The following KCNH8 variants were observed in gnomAD, a reference collection of about 807,000 sequenced individuals.
KCNH8 encodes the protein potassium voltage-gated channel subfamily H member 8.
Under a neutral mutation model 103.6 loss-of-function variants are expected in KCNH8, and 70 were observed. The observed-to-expected ratio is 0.68, with a 90% confidence interval of 0.56 to 0.82. KCNH8 has a LOEUF of 0.82. KCNH8 is among the 40% of genes least tolerant of loss of function. The pLI, the probability that KCNH8 is intolerant of heterozygous loss-of-function variation, is 0.00. For synonymous variants in KCNH8, 498 were observed against 489.4 expected (o/e 1.02, Z -0.23); for missense variants, 1,217 against 1,329.9 (o/e 0.92, Z 1.32).
intron 12 of KCNH8, among the ~76,000 whole-genome samples, 156 bp from the exon 13 acceptor site, chr3:19,512,814 G>A (rs2068804719): frequency 6.6e-6 from 1 of 152,112 alleles, no homozygotes; most frequent in South Asian, 2.1e-4. Context: ...TTTAACACCT[G>A]ATAAAATAAT....
chr3:19,277,413 A>G lies in KCNH8; in HGVS notation c.311-3785A>G, dbSNP rs369456876. Among the ~76,000 whole-genome samples the G allele has an allele frequency of 1.7e-3, 266 of 152,086 alleles. 6 individuals carry two copies. The South Asian group carries it at 0.053, about 30-fold the overall frequency. On this transcript the variant is annotated intron_variant, in intron 2 of 15. Transcript: ENST00000328405. ...TCCCCATCTCTACAGAAAAATTTAA[A>G]ACTAGCCAGGCGTGGTGGTGCACGT...
chr3:19,246,514 A>T (rs1009008226), intron 1 of KCNH8, among the ~76,000 whole-genome samples: 1 of 151,910 alleles, frequency 6.6e-6, no homozygotes, highest in Non-Finnish European at 1.5e-5. Flanking sequence ...TGACCTCATG[A>T]TCCGCCTGAC....
chr3:19,476,167 CTCT>C (rs761265389), intron 11 of KCNH8, among the ~76,000 whole-genome samples: 26 of 152,198 alleles, frequency 1.7e-4, no homozygotes, highest in African/African-American at 3.6e-4. Flanking sequence ...TCTATTAGCC[CTCT>C]TCTTCTTTTG....
intron 3 of KCNH8, among the ~76,000 whole-genome samples, chr3:19,321,567 C>T (rs1006616765): frequency 6.6e-6 from 1 of 151,780 alleles, no homozygotes; most frequent in Non-Finnish European, 1.5e-5. Context: ...TTTCTATTTT[C>T]TTAAATTTAT....
rs539550947 is a variant in KCNH8, at chr3:19,281,457, T to G, written c.442+128T>G. 1,478 of 794,550 alleles carry G rather than the reference T, an allele frequency of 1.9e-3. 4 individuals are homozygous for G. The highest frequency in any genetic ancestry group is 3.6e-3 in the Middle Eastern group (9 of 2,484). The allele number at this position is 794,550 out of a possible 1,614,324, so 49.2% of individuals were successfully genotyped here. ...GATAAATATTCGTAACTGTTAGCAG[T>G]CAGCATTTGGTGCATATTCCAAATC... is the stretch of plus-strand genomic sequence containing the variant. On this transcript the variant is annotated intron_variant, in intron 3 of 15. Coordinates refer to ENST00000328405, the MANE Select transcript of KCNH8 (RefSeq NM_144633.3).
At chr3:19,275,615 C>T (rs1243441136) in intron 2 of KCNH8, among the ~76,000 whole-genome samples, 2 of 152,114 alleles carry the variant, frequency 1.3e-5, no homozygotes, top group African/African-American at 4.8e-5. Flanking sequence ...CTCATGTTTT[C>T]TAAAGAACCA....
intron 5 of KCNH8, among the ~76,000 whole-genome samples, chr3:19,371,480 G>C (rs1457259357): frequency 1.5e-4 from 23 of 148,712 alleles, no homozygotes; most frequent in African/African-American, 5.2e-4. Flanking sequence ...TTGTAAATTT[G>C]TTTGAGTTCA....
intron 3 of KCNH8, among the ~76,000 whole-genome samples, chr3:19,285,523 G>A (rs1194720578): frequency 2.0e-5 from 3 of 152,024 alleles, no homozygotes; most frequent in Non-Finnish European, 4.4e-5. Context: ...AAAAGATGTG[G>A]TCATGTTTGT....
chr3:19,224,657 T>C (rs543564532), intron 1 of KCNH8, among the ~76,000 whole-genome samples: 1 of 151,980 alleles, frequency 6.6e-6, no homozygotes, highest in African/African-American at 2.4e-5. Flanking sequence ...CTTCCCACTT[T>C]GATCTCCCAA....
At chr3:19,490,856 G>C (rs1164759880) in intron 11 of KCNH8, among the ~76,000 whole-genome samples, 3 of 152,154 alleles carry the variant, frequency 2.0e-5, no homozygotes, top group African/African-American at 7.2e-5. Flanking sequence ...CCAGCTATAA[G>C]AGACTCACTG....
intron 1 of KCNH8, among the ~76,000 whole-genome samples, chr3:19,206,038 C>T (rs2063710944): frequency 6.6e-6 from 1 of 151,514 alleles, no homozygotes; most frequent in Non-Finnish European, 1.5e-5. Context: ...GCTTAGCTCC[C>T]ATTTAGGAGT....
At chr3:19,467,012 T>C (rs2067752770) in intron 11 of KCNH8, among the ~76,000 whole-genome samples, 1 of 146,152 alleles carries the variant, frequency 6.8e-6, no homozygotes, top group Admixed American at 6.7e-5. Flanking sequence ...CATACATAAG[T>C]CTATTAATGC....
chr3:19,278,343 C>T (rs971929036), intron 2 of KCNH8, among the ~76,000 whole-genome samples: 8 of 149,480 alleles, frequency 5.4e-5, no homozygotes, highest in African/African-American at 1.5e-4. Context: ...CCTGAATATT[C>T]GTAAGATTAT....
intron 1 of KCNH8, among the ~76,000 whole-genome samples, chr3:19,211,406 G>A (rs1008127435): frequency 8.5e-5 from 13 of 152,154 alleles, no homozygotes; most frequent in African/African-American, 2.7e-4. Context: ...AGCATTGAAA[G>A]ATGTGAAGGA....
chr3:19,271,079 T>C lies in KCNH8; in HGVS notation c.311-10119T>C, dbSNP rs542736179. ...ATATAGAACCATAATATTTCCTTTT[T>C]AATATATCAAAAATAGATCATTCAC... On this transcript the variant is annotated intron_variant, in intron 2 of 15. Coordinates refer to ENST00000328405, the MANE Select transcript of KCNH8 (RefSeq NM_144633.3). Among the ~76,000 whole-genome samples, 38 of 152,246 alleles carry C rather than the reference T, an allele frequency of 2.5e-4. No homozygotes were observed. In the South Asian group the frequency reaches 7.7e-3, roughly 31 times the overall value.
Position 19,344,538 on chromosome 3 carries a change from G to A in KCNH8, c.570+1824G>A, listed in dbSNP as rs75987649. 7.4e-3 allele frequency among the ~76,000 whole-genome samples: 1,129 copies of A among 152,122 alleles called. 18 individuals are homozygous for A. The highest frequency in any genetic ancestry group is 0.025 in the African/African-American group (1,052 of 41,528). On this transcript the variant is annotated intron_variant, in intron 4 of 15. Coordinates refer to ENST00000328405, the MANE Select transcript of KCNH8 (RefSeq NM_144633.3). ...AATTTAAGATGCCTAACAGCCCAGT[G>A]ACTCTAATACTACAGGTAATATCTT...
intron 1 of KCNH8, among the ~76,000 whole-genome samples, chr3:19,197,013 TAA>T: frequency 6.6e-6 from 1 of 152,040 alleles, no homozygotes; most frequent in South Asian, 2.1e-4. Context: ...AAGTGATAGG[TAA>T]AACAGGGGTC....
chr3:19,358,329 T>C (rs1157706100), intron 5 of KCNH8, among the ~76,000 whole-genome samples: 1 of 151,704 alleles, frequency 6.6e-6, no homozygotes, highest in African/African-American at 2.4e-5. Flanking sequence ...TTTCTCTTTT[T>C]TCTTTCATTT....
At chr3:19,223,188 T>C (rs750021340) in intron 1 of KCNH8, among the ~76,000 whole-genome samples, 4 of 152,160 alleles carry the variant, frequency 2.6e-5, no homozygotes, top group Non-Finnish European at 4.4e-5. Flanking sequence ...TAATCCTGGC[T>C]TGAGGTCAGC....
Sources: allele counts gnomAD v4.1 joint callset (sites outside exome capture counted in the v4.1 genomes callset), GRCh38; gene constraint gnomAD v4.1.1; transcripts MANE v1.5; gene names NCBI Gene and HGNC (gene_info 2026-07-23, HGNC 2026-07-21).